AFG2A: variants seen among roughly 807,000 people sequenced by gnomAD.
AFG2A encodes AAA ATPase AFG2A.
chr4:123,088,528 T>C, the AFG2A span, among the ~76,000 whole-genome samples: 1 of 152,204 alleles, frequency 6.6e-6, no homozygotes, highest in African/African-American at 2.4e-5. Flanking sequence ...TGAAGGATGT[T>C]GATAGTGTTT....
chr4:123,266,977 A>C, the AFG2A span, among the ~76,000 whole-genome samples: 1 of 152,018 alleles, frequency 6.6e-6, no homozygotes, highest in Non-Finnish European at 1.5e-5. Context: ...TGTTTAGGTA[A>C]TAAGGCTGAG....
At chr4:123,173,235 A>G in the AFG2A span, among the ~76,000 whole-genome samples, 2 of 151,638 alleles carry the variant, frequency 1.3e-5, no homozygotes, top group African/African-American at 4.8e-5. Flanking sequence ...GGCTTGTACA[A>G]CCCTAATTCC....
At chr4:123,232,289 C>A in the AFG2A span, among the ~76,000 whole-genome samples, 16 of 151,954 alleles carry the variant, frequency 1.1e-4, no homozygotes, top group Non-Finnish European at 2.2e-4. Context: ...TGAGGCACTT[C>A]AACTTTTAAA....
the AFG2A span, among the ~76,000 whole-genome samples, chr4:123,305,252 C>T: frequency 1.3e-5 from 2 of 152,130 alleles, no homozygotes; most frequent in African/African-American, 4.8e-5. Context: ...TCGATAATCT[C>T]TGAGAGGCAG....
At chr4:123,168,044 T>C in the AFG2A span, among the ~76,000 whole-genome samples, 2 of 152,202 alleles carry the variant, frequency 1.3e-5, no homozygotes, top group African/African-American at 4.8e-5. Flanking sequence ...TATCACTATT[T>C]GTTTTGATCA....
chr4:123,157,372 C>T, the AFG2A span, among the ~76,000 whole-genome samples: 1 of 152,014 alleles, frequency 6.6e-6, no homozygotes, highest in African/African-American at 2.4e-5. Context: ...TGTTGCATAC[C>T]ATAAGAAGCA....
At chr4:123,293,397 T>C in the AFG2A span, among the ~76,000 whole-genome samples, 1 of 152,188 alleles carries the variant, frequency 6.6e-6, no homozygotes, top group African/African-American at 2.4e-5. Flanking sequence ...GGCTGCACTC[T>C]AATTAATTTT....
the AFG2A span, among the ~76,000 whole-genome samples, chr4:123,237,710 C>A: frequency 6.9e-6 from 1 of 145,388 alleles, no homozygotes; most frequent in Non-Finnish European, 1.5e-5. Flanking sequence ...AGTTCCATTC[C>A]AAGAGGGCCA....
At chr4:123,117,040 A>G in the AFG2A span, among the ~76,000 whole-genome samples, 5 of 152,182 alleles carry the variant, frequency 3.3e-5, no homozygotes, top group East Asian at 1.9e-4. Context: ...ATTTGTGACT[A>G]AAGTTAATTT....
At chr4:122,924,775 T>G in the AFG2A span, among the ~76,000 whole-genome samples, 7 of 152,192 alleles carry the variant, frequency 4.6e-5, no homozygotes, top group Admixed American at 6.5e-5. Flanking sequence ...CTTCTCAAGC[T>G]CTCTGTGGTG....
At chr4:123,312,630 GTGGTT>G in the AFG2A span, among the ~76,000 whole-genome samples, 3 of 152,214 alleles carry the variant, frequency 2.0e-5, no homozygotes, top group Non-Finnish European at 4.4e-5. Context: ...ATGTGATAAA[GTGGTT>G]TTACTAATCC....
chr4:122,972,695 A>G, the AFG2A span, among the ~76,000 whole-genome samples: 1 of 151,988 alleles, frequency 6.6e-6, no homozygotes, highest in Non-Finnish European at 1.5e-5. Context: ...TTATTTAGAA[A>G]TGAATTAACT....
chr4:123,147,511 A>G, the AFG2A span, among the ~76,000 whole-genome samples: 1 of 152,122 alleles, frequency 6.6e-6, no homozygotes, highest in Admixed American at 6.5e-5. Context: ...ATTAAAAAAG[A>G]TTTTCAGTTG....
At chr4:122,963,855 G>C in the AFG2A span, among the ~76,000 whole-genome samples, 1 of 152,100 alleles carries the variant, frequency 6.6e-6, no homozygotes, top group South Asian at 2.1e-4. Flanking sequence ...CCATAAAAGA[G>C]GGATAAATAT....
At chr4:123,162,878 G>A in the AFG2A span, among the ~76,000 whole-genome samples, 1 of 151,884 alleles carries the variant, frequency 6.6e-6, no homozygotes, top group Non-Finnish European at 1.5e-5. Context: ...CTCTCTCTAG[G>A]GTTATTATAC....
At chr4:123,128,249 G>A in the AFG2A span, among the ~76,000 whole-genome samples, 3 of 152,158 alleles carry the variant, frequency 2.0e-5, no homozygotes, top group African/African-American at 4.8e-5. Flanking sequence ...CTTTTCATGC[G>A]TTTAAGTTCA....
At chr4:123,116,834 G>A in the AFG2A span, among the ~76,000 whole-genome samples, 1 of 152,136 alleles carries the variant, frequency 6.6e-6, no homozygotes, top group African/African-American at 2.4e-5. Flanking sequence ...TTTTATTATA[G>A]AAGAACATGA....
the AFG2A span, among the ~76,000 whole-genome samples, chr4:123,299,970 T>C: frequency 6.6e-6 from 1 of 152,200 alleles, no homozygotes; most frequent in East Asian, 1.9e-4. Context: ...CCCTTCTTTT[T>C]CTACAACTCT....
chr4:123,197,425 T>C, the AFG2A span, among the ~76,000 whole-genome samples: 1 of 152,218 alleles, frequency 6.6e-6, no homozygotes. Context: ...AAATTTCCTG[T>C]TAGGCTCACT....
Sources: allele counts gnomAD v4.1 joint callset (sites outside exome capture counted in the v4.1 genomes callset), GRCh38; gene constraint gnomAD v4.1.1; transcripts MANE v1.5; gene names NCBI Gene and HGNC (gene_info 2026-07-23, HGNC 2026-07-21).